TRIM3: variants seen among roughly 807,000 people sequenced by gnomAD.
TRIM3 encodes tripartite motif containing 3.
In TRIM3, 13 loss-of-function variants were observed where a neutral mutation model predicts 66.6. The ratio of observed to expected loss-of-function variants is 0.20; its 90% confidence interval spans 0.13 to 0.31. The LOEUF (loss-of-function observed/expected upper bound fraction) is 0.31, where lower values mean the gene tolerates loss of function less well. TRIM3 is among the 10% of genes least tolerant of loss of function. TRIM3 has a pLI of 1.00. For synonymous variants in TRIM3, 406 were observed against 411.7 expected, an observed-to-expected ratio of 0.99 and a Z score of 0.17; for missense variants, 711 against 1,020.4, an observed-to-expected ratio of 0.70 and a Z score of 4.13.
rs1323302840 is a variant in TRIM3, at chr11:6,449,398, C to T, written c.1990G>A (p.Glu664Lys). The T allele has an allele frequency of 1.9e-6, 3 of 1,614,052 alleles. No homozygotes were observed. Among genetic ancestry groups the T allele is most frequent in the Non-Finnish European group, 1.7e-6 (2 of 1,179,950 alleles). Residue 664 changes from glutamate (E) to lysine (K), a missense_variant, in exon 11 of 12, where the codon GAG (glutamate) becomes AAG (lysine). By Grantham distance (56) the Glu-to-Lys change is moderately conservative (BLOSUM62 1). This residue lies in a region of TRIM3 where 163 missense variants were observed against 321.9 expected (regional missense o/e 0.51). Coordinates refer to ENST00000345851, the MANE Select transcript of TRIM3 (RefSeq NM_033278.4). The surrounding 1 kb of genome is among the most constrained non-coding windows in gnomAD (Gnocchi z 5.3). Reference sequence around the variant, plus strand: ...GGGGCATTGAACTGCCCATTGCCCTCGCCATGGGAGCCAAACTTGAAGAGG... The same window carrying T: ...GGGGCATTGAACTGCCCATTGCCCTTGCCATGGGAGCCAAACTTGAAGAGG... ...EFLFKFGSHG[E>K]GNGQFNAPTG...
In TRIM3 at chr11:6,457,431, G is replaced by A; in HGVS notation, c.561C>T (p.Ser187=). Residue 187 remains serine, a synonymous_variant, in exon 5 of 12, where the codon AGC becomes AGT. Transcript: ENST00000345851. This position sits in a 1 kb window ranked among gnomAD's most constrained non-coding sequence, Gnocchi z 4.5. ...SAAIALVGGI[S]QQLQERKAEA... ...CTGCCTTGCGCTCCTGCAGCTGCTGGCTGATGCCCCCGACTAAGGCAATTG... is the reference window on the plus strand; with the variant it reads ...CTGCCTTGCGCTCCTGCAGCTGCTGACTGATGCCCCCGACTAAGGCAATTG... 1.2e-6 allele frequency: 2 copies of A among 1,613,452 alleles called. No homozygotes were observed. The highest frequency in any genetic ancestry group is 1.7e-6 in the Non-Finnish European group (2 of 1,180,042).
chr11:6,453,789 C>T (rs1210680343), intron 7 of TRIM3, among the ~76,000 whole-genome samples: 1 of 152,218 alleles, frequency 6.6e-6, no homozygotes, highest in Non-Finnish European at 1.5e-5. Context: ...TCTGCCTCAT[C>T]CTCCACCATA....
At chr11:6,465,868 G>A in intron 1 of TRIM3, 136 bp from the exon 2 acceptor site, 3 of 710,476 alleles carry the variant, frequency 4.2e-6, no homozygotes, top group Non-Finnish European at 4.6e-6. Context: ...TGACTGGAAG[G>A]ATCAGGGTGA....
chr11:6,467,966 A>C (rs1459248325), intron 1 of TRIM3, among the ~76,000 whole-genome samples: 1 of 152,192 alleles, frequency 6.6e-6, no homozygotes, highest in Non-Finnish European at 1.5e-5. Context: ...TCTGAGCTAC[A>C]AGCAAAAAGC....
chr11:6,464,957 A>T (rs986378942), intron 2 of TRIM3, among the ~76,000 whole-genome samples: 3 of 127,160 alleles, frequency 2.4e-5, no homozygotes, highest in Non-Finnish European at 3.1e-5. Flanking sequence ...ACTACACTCC[A>T]CCTTGGGCAA....
intron 1 of TRIM3, chr11:6,473,291 G>A (rs1447001887): frequency 2.0e-5 from 3 of 148,006 alleles, no homozygotes; most frequent in African/African-American, 7.5e-5. Flanking sequence ...TGTCCACAGA[G>A]CAGTGCATGG....
intron 2 of TRIM3, among the ~76,000 whole-genome samples, chr11:6,465,207 C>T (rs746067831): frequency 6.6e-6 from 1 of 152,134 alleles, no homozygotes; most frequent in Non-Finnish European, 1.5e-5. Flanking sequence ...ACAGACCTAA[C>T]TTCAAATATC....
At position 6,450,914 on chromosome 11, in the gene TRIM3, C is replaced by T. The variant is rs1232077573; in HGVS notation, c.1848G>A (p.Gly616=). 6.2e-7 allele frequency: 1 copy of T among 1,614,086 alleles called. No individual in the cohort carries two copies. The highest frequency in any genetic ancestry group is 8.5e-7 in the Non-Finnish European group (1 of 1,180,002). The change falls in exon 9 of 12, where the codon GGG becomes GGA. Residue 616 remains glycine (G), a synonymous_variant. Coordinates refer to ENST00000345851, the MANE Select transcript of TRIM3 (RefSeq NM_033278.4). This position sits in a 1 kb window ranked among gnomAD's most constrained non-coding sequence, Gnocchi z 4.8. ...TACCTGCAAAGTGGCGGTCAGTGGC[C>T]CCACGGCCCCCAAAACGGCCAACCA... ...GKLVGRFGGR[G]ATDRHFAGPH... is the part of the protein sequence containing the mutation.
rs1332150039 is a variant in TRIM3 at position 6,450,753 on chromosome 11, G to A, written c.1871-132C>T. 2 of 1,430,634 alleles carry A rather than the reference G, an allele frequency of 1.4e-6. No individual in the cohort carries two copies. The highest frequency in any genetic ancestry group is 1.7e-5 in the Admixed American group (1 of 57,388). The allele number at this position is 1,430,634 out of a possible 1,614,324, so 88.6% of individuals were successfully genotyped here. On this transcript the variant is annotated intron_variant, in intron 9 of 11. Transcript: ENST00000345851. The surrounding 1 kb of genome is among the most constrained non-coding windows in gnomAD (Gnocchi z 4.8). ...TCCAGGACTGAGACAAATTATTTCT[G>A]AGATGATAGGGCTAACGTAAGGGAA...
Position 6,449,939 on chromosome 11 carries a change from A to T in TRIM3, c.1942-493T>A, listed in dbSNP as rs574961013. 1.8e-3 allele frequency: 299 copies of T among 163,358 alleles called. 4 individuals are homozygous for T. Among genetic ancestry groups the T allele is most frequent in the Non-Finnish European group, 3.1e-4 (23 of 74,572 alleles). The allele number at this position is 163,358 out of a possible 1,614,324, so 10.1% of individuals were successfully genotyped here. On this transcript the variant is annotated intron_variant, in intron 10 of 11. Coordinates refer to ENST00000345851, the MANE Select transcript of TRIM3 (RefSeq NM_033278.4). The surrounding 1 kb of genome is among the most constrained non-coding windows in gnomAD (Gnocchi z 5.3). Reference sequence around the variant, plus strand: ...TGCCTCAGCCTGAGTGATCTAAGACACACAGGACTGCATCACTCCCCTGCC... The same window carrying T: ...TGCCTCAGCCTGAGTGATCTAAGACTCACAGGACTGCATCACTCCCCTGCC...
At position 6,457,124 on chromosome 11, in the gene TRIM3, A is replaced by T; in HGVS notation, c.697-95T>A. The T allele has an allele frequency of 6.5e-7, 1 of 1,530,180 alleles. No homozygotes were observed. The highest frequency in any genetic ancestry group is 8.8e-7 in the Non-Finnish European group (1 of 1,138,104). The allele number at this position is 1,530,180 out of a possible 1,614,324, so 94.8% of individuals were successfully genotyped here. ...GTAGCACTGTGGCATAAAATACAAG[A>T]GGGTGCCTGTGGACAGAGGACACAG... is the stretch of plus-strand genomic sequence containing the variant. On this transcript the variant is annotated intron_variant, in intron 5 of 11. Coordinates refer to ENST00000345851, the MANE Select transcript of TRIM3 (RefSeq NM_033278.4). This position sits in a 1 kb window ranked among gnomAD's most constrained non-coding sequence, Gnocchi z 4.5.
chr11:6,453,478 A>G lies in TRIM3; in HGVS notation c.1534-2040T>C, dbSNP rs7933690. 5.7e-3 allele frequency among the ~76,000 whole-genome samples: 870 copies of G among 152,342 alleles called. 6 individuals are homozygous for G. The highest frequency in any genetic ancestry group is 0.019 in the African/African-American group (808 of 41,576). On this transcript the variant is annotated intron_variant, in intron 7 of 11. Coordinates refer to ENST00000345851, the MANE Select transcript of TRIM3 (RefSeq NM_033278.4). ...AGATCCCTGACTTCAGGGATCTCAC[A>G]GTCTAGTGGGGGAGAAAGACTTAAA...
rs768224336 is a variant in TRIM3 at position 6,457,827 on chromosome 11, C to T, written c.384G>A (p.Glu128=). ...HEGKTMEFYC[E]ACETAMCGEC... Reference sequence around the variant, plus strand: ...CACCACACATGGCCGTCTCACAGGCCTCACAGTAAAACTCCATCGTCTGCG... The same window carrying T: ...CACCACACATGGCCGTCTCACAGGCTTCACAGTAAAACTCCATCGTCTGCG... The change falls in exon 4 of 12, where the codon GAG becomes GAA. Residue 128 remains glutamate, a synonymous_variant. Transcript: ENST00000345851. The surrounding 1 kb of genome is among the most constrained non-coding windows in gnomAD (Gnocchi z 4.5). The T allele has an allele frequency of 1.1e-4, 175 of 1,614,094 alleles. No individual in the cohort carries two copies. Among genetic ancestry groups the T allele is most frequent in the Non-Finnish European group, 1.4e-4 (163 of 1,180,034 alleles).
chr11:6,451,263 C>G lies in TRIM3; in HGVS notation c.1701+8G>C. ...CCAGGGTAAGTAAAGTGACAGCAGGCCTCTCACCTTGAACTTGCCCTCAGG... is the reference window on the plus strand; with the variant it reads ...CCAGGGTAAGTAAAGTGACAGCAGGGCTCTCACCTTGAACTTGCCCTCAGG... On this transcript the variant is annotated splice_region_variant and intron_variant, in intron 8 of 11. Coordinates refer to ENST00000345851, the MANE Select transcript of TRIM3 (RefSeq NM_033278.4). 1 of 1,613,994 alleles carries G rather than the reference C, an allele frequency of 6.2e-7. No homozygotes were observed. Among genetic ancestry groups the G allele is most frequent in the Non-Finnish European group, 8.5e-7 (1 of 1,179,970 alleles).
chr11:6,460,161 G>C (rs1424210854), intron 2 of TRIM3, among the ~76,000 whole-genome samples: 2 of 152,228 alleles, frequency 1.3e-5, no homozygotes, highest in African/African-American at 4.8e-5. Context: ...GAGGGAATGA[G>C]TAGTCATCAG....
At chr11:6,469,330 C>G (rs1411072976) in intron 1 of TRIM3, among the ~76,000 whole-genome samples, 3 of 152,190 alleles carry the variant, frequency 2.0e-5, no homozygotes, top group Non-Finnish European at 4.4e-5. Context: ...CCTCCCCTTC[C>G]TGCTTCAGTT....
At position 6,457,925 on chromosome 11, in the gene TRIM3, C is replaced by T; in HGVS notation, c.364-78G>A. On this transcript the variant is annotated intron_variant, in intron 3 of 11. Coordinates refer to ENST00000345851, the MANE Select transcript of TRIM3 (RefSeq NM_033278.4). The surrounding 1 kb of genome is among the most constrained non-coding windows in gnomAD (Gnocchi z 4.5). ...CCCCTCCCCACCTGCCCTCCCTGCC[C>T]CTCACCTTCTAAGTGCACCCCCTAC... 6.3e-7 allele frequency: 1 copy of T among 1,585,118 alleles called. No individual in the cohort carries two copies. The highest frequency in any genetic ancestry group is 8.6e-7 in the Non-Finnish European group (1 of 1,162,780).
intron 7 of TRIM3, chr11:6,453,034 T>A (rs1265503556): frequency 6.6e-6 from 1 of 152,204 alleles, no homozygotes; most frequent in Non-Finnish European, 1.5e-5. Context: ...AATTATCACT[T>A]TGCAGCTAAA....
chr11:6,456,806 C>T lies in TRIM3; in HGVS notation c.920G>A (p.Arg307Gln), dbSNP rs1244836762. The change falls in exon 6 of 12, where the codon CGA becomes CAA. Residue 307 changes from arginine to glutamine, a missense_variant. Physicochemically the swap from Arg to Gln is conservative, Grantham distance 43. Coordinates refer to ENST00000345851, the MANE Select transcript of TRIM3 (RefSeq NM_033278.4). This position sits in a 1 kb window ranked among gnomAD's most constrained non-coding sequence, Gnocchi z 6.4. Reference sequence around the variant, plus strand: ...CAGTGCGCCCAGATTGAGCACCGATCGCCGCAGACCGTCCACCTCAAGGAC... The same window carrying T: ...CAGTGCGCCCAGATTGAGCACCGATTGCCGCAGACCGTCCACCTCAAGGAC... Reference protein sequence around the residue: ...ELVLEVDGLRRSVLNLGALLT... With the variant: ...ELVLEVDGLRQSVLNLGALLT... 2.5e-6 allele frequency: 4 copies of T among 1,612,542 alleles called. No individual in the cohort carries two copies. The highest frequency in any genetic ancestry group is 1.3e-5 in the African/African-American group (1 of 74,944).
Sources: gnomAD v4.1 joint callset for allele counts (sites outside exome capture counted in the v4.1 genomes callset) on GRCh38, gnomAD v4.1.1 for gene constraint, gnomAD v4.1.1 regional missense constraint, Gnocchi (gnomAD v3.1) non-coding constraint, MANE v1.5 for transcripts, NCBI Gene and HGNC (gene_info 2026-07-23, HGNC 2026-07-21) for gene names.